SEMA3A: variants seen among roughly 807,000 people sequenced by gnomAD.
SEMA3A encodes semaphorin-3A.
A neutral mutation model predicts 97.9 loss-of-function variants in SEMA3A; 29 were observed. The observed-to-expected ratio is 0.30, with a 90% CI of 0.22 to 0.40. SEMA3A has a LOEUF of 0.40. Ranked by LOEUF, SEMA3A falls within the 10% of genes least tolerant of loss-of-function variation. The probability of loss-of-function intolerance (pLI) is 1.00; values close to 1 mark genes in which losing one functional copy is unlikely to be tolerated. For missense variants in SEMA3A, 763 were observed against 951.3 expected, an observed-to-expected ratio of 0.80 and a Z score of 2.60; for synonymous variants, 321 against 323.7, an observed-to-expected ratio of 0.99 and a Z score of 0.09.
intron 2 of SEMA3A, among the ~76,000 whole-genome samples, chr7:84,332,913 A>G (rs190110250): frequency 1.3e-5 from 2 of 152,056 alleles, no homozygotes; most frequent in Non-Finnish European, 2.9e-5. Context: ...CAGAGTTATG[A>G]ATCATTTTAT....
intron 10 of SEMA3A, 77 bp from the exon 11 acceptor site, chr7:84,005,635 C>T (rs1790636719): frequency 2.0e-6 from 2 of 1,003,224 alleles, no homozygotes; most frequent in Non-Finnish European, 2.9e-6. Flanking sequence ...TAACACATGG[C>T]CTCAATGGTT....
intron 3 of SEMA3A, among the ~76,000 whole-genome samples, chr7:84,248,820 C>T (rs745598923): frequency 1.4e-5 from 2 of 143,714 alleles, no homozygotes; most frequent in African/African-American, 2.5e-5. Context: ...ACTACAAAAA[C>T]GTTCCTTAAG....
At position 84,193,762 on chromosome 7, in the gene SEMA3A, T is replaced by A. The variant is rs111571430; in HGVS notation, c.112+713A>T. Among the ~76,000 whole-genome samples the A allele has an allele frequency of 1.8e-4, 28 of 152,248 alleles. 1 individual carries two copies. Among genetic ancestry groups the A allele is most frequent in the Middle Eastern group, 6.8e-3 (2 of 294 alleles). ...TAAAGCTCTTTTTTCTCTCTTTAAT[T>A]TATACTTTTCAAAAGAGAAGTTTAC... is the stretch of plus-strand genomic sequence containing the variant. On this transcript the variant is annotated intron_variant, in intron 1 of 16. Coordinates refer to ENST00000265362, the MANE Select transcript of SEMA3A (RefSeq NM_006080.3).
intron 3 of SEMA3A, among the ~76,000 whole-genome samples, chr7:84,222,750 T>C (rs1419852072): frequency 6.6e-6 from 1 of 151,906 alleles, no homozygotes; most frequent in Non-Finnish European, 1.5e-5. Context: ...CTTATTCATT[T>C]ACCCATTAAA....
chr7:84,025,560 T>G (rs1791515237), intron 6 of SEMA3A, among the ~76,000 whole-genome samples: 1 of 152,148 alleles, frequency 6.6e-6, no homozygotes, highest in African/African-American at 2.4e-5. Flanking sequence ...GAATAACCTC[T>G]GGCTGCCAAG....
intron 1 of SEMA3A, among the ~76,000 whole-genome samples, chr7:84,377,753 T>A (rs151228003): frequency 2.0e-5 from 3 of 152,174 alleles, no homozygotes; most frequent in Non-Finnish European, 4.4e-5. Context: ...CTGCTACCCA[T>A]CATCAGAGAA....
intron 1 of SEMA3A, among the ~76,000 whole-genome samples, chr7:84,474,228 T>G (rs1228969): frequency 0.44 from 67,220 of 152,090 alleles, 16,267 homozygotes; most frequent in East Asian, 0.62. Flanking sequence ...CGAATAAAAA[T>G]ATGCAAATTG....
chr7:84,158,269 C>T (rs1253786456), intron 1 of SEMA3A, among the ~76,000 whole-genome samples: 1 of 151,262 alleles, frequency 6.6e-6, no homozygotes, highest in Non-Finnish European at 1.5e-5. Flanking sequence ...ATTCTCCCAC[C>T]TCAGCCTCCT....
intron 6 of SEMA3A, among the ~76,000 whole-genome samples, chr7:84,027,260 T>C (rs1337973238): frequency 1.3e-5 from 2 of 152,202 alleles, no homozygotes; most frequent in East Asian, 3.9e-4. Context: ...TGTATCCTCC[T>C]ATCTTACCAC....
intron 1 of SEMA3A, among the ~76,000 whole-genome samples, chr7:84,164,411 C>A (rs986656428): frequency 6.6e-6 from 1 of 151,960 alleles, no homozygotes; most frequent in Non-Finnish European, 1.5e-5. Context: ...TACTCAGTGG[C>A]TGAGTAAACA....
intron 3 of SEMA3A, among the ~76,000 whole-genome samples, chr7:84,287,599 CT>C (rs1357937523): frequency 2.6e-5 from 4 of 151,992 alleles, no homozygotes; most frequent in African/African-American, 7.2e-5. Context: ...TTTTTTTTCC[CT>C]ATCTATATAT....
At position 84,088,272 on chromosome 7, in the gene SEMA3A, G is replaced by A. The variant is rs959188809; in HGVS notation, c.453+22198C>T. On this transcript the variant is annotated intron_variant, in intron 4 of 16. Coordinates refer to ENST00000265362, the MANE Select transcript of SEMA3A (RefSeq NM_006080.3). ...AGATCGAGACCATCCTGGCTAACAC[G>A]GTGAAACCCCGTCTCTACTAAAAAT... Among the ~76,000 whole-genome samples the A allele has an allele frequency of 3.3e-5, 5 of 151,950 alleles. 1 individual carries two copies. Among genetic ancestry groups the A allele is most frequent in the Admixed American group, 6.6e-5 (1 of 15,236 alleles).
intron 1 of SEMA3A, among the ~76,000 whole-genome samples, chr7:84,179,639 G>A (rs1262184874): frequency 6.6e-6 from 1 of 152,102 alleles, no homozygotes; most frequent in Admixed American, 6.6e-5. Context: ...GAGGTCTTGA[G>A]AACAGAGGCT....
chr7:84,234,432 A>G (rs1799187346), intron 3 of SEMA3A, among the ~76,000 whole-genome samples: 1 of 151,984 alleles, frequency 6.6e-6, no homozygotes, highest in Non-Finnish European at 1.5e-5. Flanking sequence ...GACACACACG[A>G]TATTCAGTTA....
chr7:84,403,170 C>A (rs568631439), intron 1 of SEMA3A, among the ~76,000 whole-genome samples: 38 of 152,228 alleles, frequency 2.5e-4, no homozygotes, highest in Admixed American at 5.2e-4. Flanking sequence ...TGACAGATGG[C>A]ACCTGGAAAA....
intron 3 of SEMA3A, among the ~76,000 whole-genome samples, chr7:84,306,930 C>T (rs910281585): frequency 1.3e-5 from 2 of 152,012 alleles, no homozygotes; most frequent in Non-Finnish European, 1.5e-5. Context: ...CAGTGAAATT[C>T]CCAAGTCTGG....
chr7:84,427,099 T>A (rs928037939), intron 1 of SEMA3A, among the ~76,000 whole-genome samples: 1 of 152,038 alleles, frequency 6.6e-6, no homozygotes, highest in Admixed American at 6.6e-5. Context: ...GGATGTTAAG[T>A]TATTCAACTA....
rs188892874 is a variant in SEMA3A, at chr7:84,436,350, G to C, written c.-246+56110C>G. Among the ~76,000 whole-genome samples the C allele has an allele frequency of 3.3e-5, 5 of 152,210 alleles. No individual in the cohort carries two copies. In the East Asian group the frequency reaches 9.7e-4, roughly 29 times the overall value. On this transcript the variant is annotated intron_variant, in intron 1 of 3. Transcript: ENST00000424555. ...ATGAGTGGTACCTAATTAAACTAAA[G>C]AGATTCTGCACAGCAGAATAAACTA...
chr7:83,969,483 C>T (rs1045558733), intron 15 of SEMA3A, among the ~76,000 whole-genome samples: 7 of 152,246 alleles, frequency 4.6e-5, no homozygotes, highest in Admixed American at 3.3e-4. Flanking sequence ...GAATGGTAAT[C>T]GTAAACGCTT....
Sources: allele counts gnomAD v4.1 joint callset (sites outside exome capture counted in the v4.1 genomes callset), GRCh38; gene constraint gnomAD v4.1.1; transcripts MANE v1.5; gene names NCBI Gene and HGNC (gene_info 2026-07-23, HGNC 2026-07-21).